CSMD2: variants seen among roughly 807,000 people sequenced by gnomAD.
CSMD2 encodes the protein CUB and sushi domain-containing protein 2.
CSMD2 carries 130 observed loss-of-function variants against 398.5 expected under a neutral mutation model. The ratio of observed to expected loss-of-function variants is 0.33; its 90% confidence interval spans 0.28 to 0.38. The LOEUF (loss-of-function observed/expected upper bound fraction) is 0.38. Ranked by LOEUF, CSMD2 falls within the 10% of genes least tolerant of loss-of-function variation. The probability of loss-of-function intolerance (pLI) is 1.00; values close to 1 mark genes in which losing one functional copy is unlikely to be tolerated. For missense variants in CSMD2, 3,829 were observed against 4,764.9 expected (o/e 0.80, Z 5.78); for synonymous variants, 1,828 against 1,908.5 (o/e 0.96, Z 1.10).
intron 25 of CSMD2, among the ~76,000 whole-genome samples, chr1:33,671,806 C>T (rs527596232): frequency 6.6e-6 from 1 of 152,314 alleles, no homozygotes; most frequent in South Asian, 2.1e-4. Flanking sequence ...GGGCCCGTCC[C>T]TCTCAAGTGC....
At chr1:33,769,395 C>T (rs1247748122) in intron 13 of CSMD2, among the ~76,000 whole-genome samples, 2 of 152,192 alleles carry the variant, frequency 1.3e-5, no homozygotes, top group Admixed American at 6.5e-5. Flanking sequence ...AGTGGTATTA[C>T]TTCCCATTGA....
At chr1:33,940,441 G>A (rs1032520738) in intron 3 of CSMD2, among the ~76,000 whole-genome samples, 2 of 151,896 alleles carry the variant, frequency 1.3e-5, no homozygotes, top group Non-Finnish European at 2.9e-5. Flanking sequence ...ACCTACCCCT[G>A]AGTGCCTAGT....
intron 5 of CSMD2, among the ~76,000 whole-genome samples, chr1:33,912,856 G>T (rs898759517): frequency 2.0e-5 from 3 of 151,804 alleles, no homozygotes; most frequent in Non-Finnish European, 4.4e-5. Flanking sequence ...TCTGTCTCCC[G>T]GGCTGGAGTA....
chr1:34,149,513 A>C (rs1640093185), intron 1 of CSMD2, among the ~76,000 whole-genome samples: 1 of 152,172 alleles, frequency 6.6e-6, no homozygotes, highest in African/African-American at 2.4e-5. Context: ...TAGTACACGG[A>C]AGAAGTTGAG....
chr1:33,562,835 G>A (rs993151210), intron 53 of CSMD2, among the ~76,000 whole-genome samples: 7 of 152,218 alleles, frequency 4.6e-5, no homozygotes, highest in African/African-American at 1.7e-4. Context: ...AATTCGGCTA[G>A]CAGCCTGCCT....
chr1:33,857,251 T>C (rs1048128184), intron 5 of CSMD2, among the ~76,000 whole-genome samples: 2 of 152,098 alleles, frequency 1.3e-5, no homozygotes, highest in African/African-American at 4.8e-5. Context: ...GCCTGGCACA[T>C]AGCATGTGCC....
chr1:33,810,600 C>T (rs1370892191), intron 10 of CSMD2, 143 bp downstream of exon 10: 5 of 731,146 alleles, frequency 6.8e-6, no homozygotes, highest in Admixed American at 3.6e-5. Flanking sequence ...TTTATCCACT[C>T]GATATTAATA....
At chr1:33,780,305 C>G (rs72879548) in intron 12 of CSMD2, among the ~76,000 whole-genome samples, 3,050 of 152,276 alleles carry the variant, frequency 0.02, 100 homozygotes, top group African/African-American at 0.069. Flanking sequence ...TGGATTGCCT[C>G]AGAACCACAC....
chr1:34,127,810 G>A (rs1323842936), intron 1 of CSMD2, among the ~76,000 whole-genome samples: 3 of 151,964 alleles, frequency 2.0e-5, no homozygotes, highest in Non-Finnish European at 4.4e-5. Flanking sequence ...AGCGTGTAGA[G>A]ACTGAGGGTC....
chr1:33,624,423 G>A lies in CSMD2; in HGVS notation c.5625+96C>T, dbSNP rs930531318. On this transcript the variant is annotated intron_variant, in intron 35 of 70. Transcript: ENST00000373381. The surrounding 1 kb of genome is among the most constrained non-coding windows in gnomAD (Gnocchi z 4.7). Reference sequence around the variant, plus strand: ...CTCTTCCTGGCTCACCCTGACTCAGGCCTTGGCACCAGCCAGCACCTGTGG... The same window carrying A: ...CTCTTCCTGGCTCACCCTGACTCAGACCTTGGCACCAGCCAGCACCTGTGG... 6.7e-7 allele frequency: 1 copy of A among 1,498,650 alleles called. No individual in the cohort carries two copies. The highest frequency in any genetic ancestry group is 9.1e-7 in the Non-Finnish European group (1 of 1,101,962). 92.8% of individuals were successfully genotyped at this position (1,498,650 alleles called of 1,614,324 possible).
At position 33,726,540 on chromosome 1, in the gene CSMD2, C is replaced by T. The variant is rs918914975; in HGVS notation, c.2507+7G>A. On this transcript the variant is annotated splice_region_variant and intron_variant, in intron 16 of 70. Transcript: ENST00000373381. ...GCCCTCTCCCCCAAGGCTGTGGTCA[C>T]AAGCACCTGTCGAAGGTGATTTTGA... The T allele has an allele frequency of 5.0e-6, 8 of 1,606,776 alleles. No individual in the cohort carries two copies. Among genetic ancestry groups the T allele is most frequent in the Non-Finnish European group, 6.8e-6 (8 of 1,175,250 alleles).
Position 33,820,565 on chromosome 1 carries a change from CAAAAAAAAAA to C in CSMD2, c.1112-19_1112-10del. ...CACACCAACCTGAGTTACTACAAGG[CAAAAAAAAAA>C]AAAAAAAAAAAAACAGCACACACAG... On this transcript the variant is annotated splice_polypyrimidine_tract_variant and intron_variant, in intron 7 of 70. Transcript: ENST00000373381. 6.1e-5 allele frequency: 27 copies of C among 442,100 alleles called. No individual in the cohort carries two copies. The highest frequency in any genetic ancestry group is 1.1e-3 in the Middle Eastern group (2 of 1,748). 27.4% of individuals were successfully genotyped at this position (442,100 alleles called of 1,614,324 possible).
intron 3 of CSMD2, among the ~76,000 whole-genome samples, chr1:33,967,553 T>A (rs1645605478): frequency 6.6e-6 from 1 of 152,154 alleles, no homozygotes; most frequent in Admixed American, 6.5e-5. Flanking sequence ...ACTCCCCACA[T>A]CAAATCCCAG....
At chr1:33,935,980 C>T (rs367595460) in intron 3 of CSMD2, 26 bp from the exon 4 acceptor site, 27 of 1,583,408 alleles carry the variant, frequency 1.7e-5, no homozygotes, top group Admixed American at 1.0e-4. Context: ...GAGAAAGAGA[C>T]GGGTACCCCG....
chr1:33,704,414 A>G (rs1018993626), intron 22 of CSMD2, among the ~76,000 whole-genome samples: 2 of 152,138 alleles, frequency 1.3e-5, no homozygotes, highest in Admixed American at 1.3e-4. Context: ...GAAAATCTTT[A>G]GGAAGTTTTG....
chr1:33,931,251 A>T (rs1399016865), intron 4 of CSMD2, among the ~76,000 whole-genome samples: 2 of 152,198 alleles, frequency 1.3e-5, no homozygotes, highest in Admixed American at 6.5e-5. Context: ...GAAAGGCCAA[A>T]AGGCTTTTAA....
intron 7 of CSMD2, among the ~76,000 whole-genome samples, chr1:33,820,854 G>T (rs1172382222): frequency 6.6e-6 from 1 of 152,104 alleles, no homozygotes; most frequent in Middle Eastern, 3.2e-3. Context: ...TCCCACACCA[G>T]CAGCCAGAAG....
At chr1:34,054,634 G>A (rs1365384344) in intron 2 of CSMD2, among the ~76,000 whole-genome samples, 1 of 152,154 alleles carries the variant, frequency 6.6e-6, no homozygotes, top group African/African-American at 2.4e-5. Flanking sequence ...CAGCTACTCG[G>A]GAGGCTGAGG....
At chr1:34,117,648 C>CA (rs751344025) in intron 1 of CSMD2, among the ~76,000 whole-genome samples, 2,231 of 144,108 alleles carry the variant, frequency 0.015, 18 homozygotes, top group Non-Finnish European at 0.022. Flanking sequence ...AAAGATACTA[C>CA]AAAAAAAAAA....
Sources: allele counts gnomAD v4.1 joint callset (sites outside exome capture counted in the v4.1 genomes callset), GRCh38; gene constraint gnomAD v4.1.1; non-coding constraint Gnocchi (gnomAD v3.1); transcripts MANE v1.5; gene names NCBI Gene and HGNC (gene_info 2026-07-23, HGNC 2026-07-21).